The following CAMKMT variants were observed in gnomAD, a reference collection of about 807,000 sequenced individuals.
CAMKMT encodes the protein calmodulin-lysine N-methyltransferase.
In CAMKMT, 53 loss-of-function variants were observed where a neutral mutation model predicts 48.0. The ratio of observed to expected loss-of-function variants is 1.10; its 90% CI spans 0.89 to 1.39. CAMKMT has a LOEUF of 1.39. Among genes scored for constraint, CAMKMT ranks in the 40% most tolerant of loss-of-function variants. The pLI is 0.00. For missense variants in CAMKMT, 428 were observed against 402.7 expected, an observed-to-expected ratio of 1.06 and a Z score of -0.54; for synonymous variants, 165 against 152.3, an observed-to-expected ratio of 1.08 and a Z score of -0.61.
At chr2:44,396,094 C>G (rs976603230) in intron 3 of CAMKMT, among the ~76,000 whole-genome samples, 4 of 151,996 alleles carry the variant, frequency 2.6e-5, no homozygotes, top group Non-Finnish European at 5.9e-5. Flanking sequence ...AAAGCTGACT[C>G]CCTCCTATAT....
intron 3 of CAMKMT, among the ~76,000 whole-genome samples, chr2:44,613,995 A>G (rs1006711618): frequency 6.6e-6 from 1 of 152,240 alleles, no homozygotes; most frequent in African/African-American, 2.4e-5. Flanking sequence ...AAGGCAGAAT[A>G]TGAAAAGCCC....
intron 3 of CAMKMT, among the ~76,000 whole-genome samples, chr2:44,578,077 G>A (rs555588832): frequency 1.3e-5 from 2 of 152,088 alleles, no homozygotes; most frequent in African/African-American, 2.4e-5. Flanking sequence ...TTGTAAATCT[G>A]CCTTGTGTCA....
chr2:44,654,535 C>G (rs1674263271), intron 3 of CAMKMT, among the ~76,000 whole-genome samples: 1 of 152,040 alleles, frequency 6.6e-6, no homozygotes. Context: ...TTTTGTGAAA[C>G]AGAGTCTCAC....
At position 44,772,346 on chromosome 2, in the gene CAMKMT, T is replaced by C; in HGVS notation, c.*233T>C. ...TGCTCGTCCTGCCCTAAACCTTTGTTTGTCTTTAAATGTGTATAAGCTGCC... is the reference window on the plus strand; with the variant it reads ...TGCTCGTCCTGCCCTAAACCTTTGTCTGTCTTTAAATGTGTATAAGCTGCC... On this transcript the variant is annotated 3_prime_UTR_variant, in exon 11 of 11. Transcript: ENST00000378494. The C allele has an allele frequency of 2.4e-6, 1 of 421,548 alleles. No individual in the cohort carries two copies. The highest frequency in any genetic ancestry group is 4.0e-4 in the Middle Eastern group (1 of 2,498). The allele number at this position is 421,548 out of a possible 1,614,324, so 26.1% of individuals were successfully genotyped here.
At position 44,587,413 on chromosome 2, in the gene CAMKMT, T is replaced by G. The variant is rs1446429995; in HGVS notation, c.377-116870T>G. 3.9e-5 allele frequency among the ~76,000 whole-genome samples: 6 copies of G among 152,052 alleles called. No individual in the cohort carries two copies. In the East Asian group the frequency reaches 1.2e-3, roughly 29 times the overall value. The stretch of plus-strand genomic sequence containing the variant: ...TTTTTAATGCTATTGTAAATTTTAT[T>G]TAAAAAATTTTTAGCTCTCCCTCTC... On this transcript the variant is annotated intron_variant, in intron 3 of 10. Transcript: ENST00000378494.
intron 3 of CAMKMT, among the ~76,000 whole-genome samples, chr2:44,587,576 C>A (rs1255899205): frequency 2.1e-5 from 3 of 141,450 alleles, no homozygotes; most frequent in African/African-American, 5.2e-5. Context: ...AACCTCCCTG[C>A]CTGATTCTCC....
At chr2:44,390,662 T>C (rs1681251996) in intron 3 of CAMKMT, among the ~76,000 whole-genome samples, 1 of 152,260 alleles carries the variant, frequency 6.6e-6, no homozygotes, top group African/African-American at 2.4e-5. Flanking sequence ...TGGGGCTGTT[T>C]CTTCCTTCTT....
intron 1 of CAMKMT, among the ~76,000 whole-genome samples, chr2:44,370,621 C>T (rs1679080885): frequency 6.7e-6 from 1 of 149,670 alleles, no homozygotes; most frequent in African/African-American, 2.4e-5. Context: ...GATCCTCTCT[C>T]CTGTGTTTGT....
intron 3 of CAMKMT, among the ~76,000 whole-genome samples, chr2:44,592,653 A>G (rs1028890943): frequency 1.3e-5 from 2 of 152,190 alleles, no homozygotes; most frequent in Non-Finnish European, 2.9e-5. Context: ...AAACTTTATC[A>G]TAGGTATGTA....
rs974519631 is a variant in CAMKMT at position 44,508,833 on chromosome 2, C to T, written c.376+118528C>T. Among the ~76,000 whole-genome samples the T allele has an allele frequency of 3.3e-5, 5 of 151,896 alleles. No homozygotes were observed. The East Asian group carries it at 5.8e-4, about 18-fold the overall frequency. On this transcript the variant is annotated intron_variant, in intron 3 of 10. Coordinates refer to ENST00000378494, the MANE Select transcript of CAMKMT (RefSeq NM_024766.5). ...TGTCTCAGCTGGGTGTGGTGGCTCA[C>T]GCCTGTAATCCCAGCACTCCGGGAG... is the stretch of plus-strand genomic sequence containing the variant.
chr2:44,549,449 C>T (rs1190092884), intron 3 of CAMKMT: 1 of 656,740 alleles, frequency 1.5e-6, no homozygotes, highest in South Asian at 1.8e-5. Flanking sequence ...CAGGAAGACT[C>T]AGTTTTTCCT....
At chr2:44,489,157 A>G (rs1301304166) in intron 3 of CAMKMT, among the ~76,000 whole-genome samples, 1 of 151,772 alleles carries the variant, frequency 6.6e-6, no homozygotes, top group African/African-American at 2.4e-5. Flanking sequence ...GGCATGACCC[A>G]CCAACGCTGG....
intron 3 of CAMKMT, among the ~76,000 whole-genome samples, chr2:44,423,172 T>TTTATC (rs1684046425): frequency 6.6e-6 from 1 of 151,672 alleles, no homozygotes; most frequent in Admixed American, 6.6e-5. Flanking sequence ...AGGACTCTAT[T>TTTATC]TTATTTTATT....
chr2:44,432,306 C>T (rs773915614), intron 3 of CAMKMT, among the ~76,000 whole-genome samples: 5 of 152,050 alleles, frequency 3.3e-5, no homozygotes, highest in Admixed American at 6.6e-5. Flanking sequence ...ATTGCCCATC[C>T]CCTGACTCTC....
chr2:44,452,845 C>G (rs1456128754), intron 3 of CAMKMT, among the ~76,000 whole-genome samples: 1 of 151,926 alleles, frequency 6.6e-6, no homozygotes, highest in Non-Finnish European at 1.5e-5. Context: ...GTTACCATCC[C>G]TTTGATATCC....
At chr2:44,389,728 AG>A (rs1681138311) in intron 2 of CAMKMT, among the ~76,000 whole-genome samples, 3 of 152,226 alleles carry the variant, frequency 2.0e-5, no homozygotes, top group Admixed American at 1.3e-4. Flanking sequence ...ATTAGAATTA[AG>A]ATTAGTGGGC....
rs1289446369 is a variant in CAMKMT, at chr2:44,672,391, A to T, written c.377-31892A>T. Reference sequence around the variant, plus strand: ...TGCCACTTTTCTAGTTTTCGTGGCTAAAATAGTAAATAATTTTGTGGGTTT... The same window carrying T: ...TGCCACTTTTCTAGTTTTCGTGGCTTAAATAGTAAATAATTTTGTGGGTTT... On this transcript the variant is annotated intron_variant, in intron 3 of 10. Coordinates refer to ENST00000378494, the MANE Select transcript of CAMKMT (RefSeq NM_024766.5). Among the ~76,000 whole-genome samples, 148 of 152,326 alleles carry T rather than the reference A, an allele frequency of 9.7e-4. 1 individual carries two copies. Among genetic ancestry groups the T allele is most frequent in the African/African-American group, 3.4e-3 (140 of 41,572 alleles).
At chr2:44,708,211 ATTTTTTT>A (rs59281575) in intron 6 of CAMKMT, among the ~76,000 whole-genome samples, 1,131 of 68,250 alleles carry the variant, frequency 0.017, 22 homozygotes, top group Middle Eastern at 0.077. Context: ...TTTGCTTTGG[ATTTTTTT>A]TTTTTTTTTT....
rs182587144 is a variant in CAMKMT at position 44,734,526 on chromosome 2, T to C, written c.624-9096T>C. On this transcript the variant is annotated intron_variant, in intron 7 of 10. Transcript: ENST00000378494. Reference sequence around the variant, plus strand: ...GCCTCCTGGGTTCAAGCTATTCTCCTGCTCCAGCCTCCTGAGTGGCTGGGA... The same window carrying C: ...GCCTCCTGGGTTCAAGCTATTCTCCCGCTCCAGCCTCCTGAGTGGCTGGGA... Among the ~76,000 whole-genome samples the C allele has an allele frequency of 2.2e-4, 33 of 152,248 alleles. No individual in the cohort carries two copies. In the East Asian group the frequency reaches 6.0e-3, roughly 28 times the overall value.
Sources: allele counts gnomAD v4.1 joint callset (sites outside exome capture counted in the v4.1 genomes callset), GRCh38; gene constraint gnomAD v4.1.1; transcripts MANE v1.5; gene names NCBI Gene and HGNC (gene_info 2026-07-23, HGNC 2026-07-21).